The following PLCB4 variants were observed in gnomAD, a reference collection of about 807,000 sequenced individuals.
The protein encoded by PLCB4 is phospholipase C beta 4, also known as 1-phosphatidylinositol 4,5-bisphosphate phosphodiesterase beta-4.
In PLCB4, 77 loss-of-function variants were observed where a neutral mutation model predicts 178.8. The ratio of observed to expected loss-of-function variants is 0.43; its 90% confidence interval spans 0.36 to 0.52. PLCB4 has a LOEUF of 0.52. Among genes scored for constraint, PLCB4 ranks in the 20% least tolerant of loss-of-function variants. The pLI, the probability that PLCB4 is intolerant of heterozygous loss-of-function variation, is 0.00. For missense variants in PLCB4, 1,024 were observed against 1,453.4 expected, an observed-to-expected ratio of 0.70 and a Z score of 4.80; for synonymous variants, 496 against 490.8, an observed-to-expected ratio of 1.01 and a Z score of -0.14.
At position 9,421,284 on chromosome 20, in the gene PLCB4, C is replaced by T. The variant is rs749768854; in HGVS notation, c.2155-13C>T. On this transcript the variant is annotated splice_polypyrimidine_tract_variant and intron_variant, in intron 26 of 39. Coordinates refer to ENST00000378473, the MANE Select transcript of PLCB4 (RefSeq NM_001377142.1). Reference sequence around the variant, plus strand: ...GAGCTTACTTCTCTTTGCTCTCGTTCGTGCTGCTACAGGTTATATCAGGTC... The same window carrying T: ...GAGCTTACTTCTCTTTGCTCTCGTTTGTGCTGCTACAGGTTATATCAGGTC... 1.5e-5 allele frequency: 24 copies of T among 1,596,852 alleles called. 1 individual carries two copies. The highest frequency in any genetic ancestry group is 5.6e-5 in the South Asian group (5 of 89,558).
chr20:9,379,834 C>G (rs1236487805), intron 12 of PLCB4, among the ~76,000 whole-genome samples: 1 of 152,150 alleles, frequency 6.6e-6, no homozygotes, highest in Admixed American at 6.5e-5. Context: ...TATTCTCTCT[C>G]TCTCTCTAGT....
intron 20 of PLCB4, among the ~76,000 whole-genome samples, chr20:9,402,586 G>C (rs538129046): frequency 2.0e-5 from 3 of 152,202 alleles, no homozygotes; most frequent in East Asian, 3.8e-4. Context: ...AGTTTAGGAG[G>C]AAACAGGAGT....
intron 7 of PLCB4, among the ~76,000 whole-genome samples, chr20:9,354,793 T>C (rs2034646919): frequency 6.6e-6 from 1 of 152,216 alleles, no homozygotes; most frequent in African/African-American, 2.4e-5. Flanking sequence ...TTGTTAGAAA[T>C]GCAGAATCTC....
chr20:9,393,120 C>T (rs946083422), intron 17 of PLCB4, among the ~76,000 whole-genome samples: 1 of 152,174 alleles, frequency 6.6e-6, no homozygotes, highest in Non-Finnish European at 1.5e-5. Context: ...AAACCACAAT[C>T]TCAAGTGTTG....
chr20:9,270,620 A>G lies in PLCB4; in HGVS notation c.-15-37180A>G, dbSNP rs150802401. Among the ~76,000 whole-genome samples, 738 of 152,296 alleles carry G rather than the reference A, an allele frequency of 4.8e-3. 7 individuals are homozygous for G. Among genetic ancestry groups the G allele is most frequent in the Non-Finnish European group, 7.9e-3 (535 of 68,020 alleles). The stretch of plus-strand genomic sequence containing the variant: ...AACTCTCCATATATTTTTAAAAAAT[A>G]ACATGGATATTATGAACCCTACTTG... On this transcript the variant is annotated intron_variant, in intron 3 of 39. Transcript: ENST00000378473.
At chr20:9,073,056 A>T (rs1163415818) in intron 1 of PLCB4, among the ~76,000 whole-genome samples, 4 of 152,154 alleles carry the variant, frequency 2.6e-5, no homozygotes, top group Non-Finnish European at 5.9e-5. Flanking sequence ...TGGTATGCCT[A>T]GGGCTGGGAA....
chr20:9,214,161 C>T (rs1330055779), intron 2 of PLCB4, among the ~76,000 whole-genome samples: 2 of 152,118 alleles, frequency 1.3e-5, no homozygotes, highest in East Asian at 3.8e-4. Context: ...CTTTTGGTGT[C>T]ACACCTAAGA....
chr20:9,232,212 AG>A (rs2093940692), intron 3 of PLCB4, among the ~76,000 whole-genome samples: 2 of 152,290 alleles, frequency 1.3e-5, no homozygotes, highest in Admixed American at 6.5e-5. Flanking sequence ...GTTGATGGAC[AG>A]GCCTCTAATA....
chr20:9,338,100 C>T (rs772396315), intron 6 of PLCB4, 33 bp downstream of exon 6: 27 of 1,422,840 alleles, frequency 1.9e-5, no homozygotes, highest in African/African-American at 1.5e-4. Flanking sequence ...TTTCTAAACA[C>T]GGATTTACTT....
chr20:9,269,184 G>A lies in PLCB4; in HGVS notation c.-15-38616G>A, dbSNP rs74422749. Among the ~76,000 whole-genome samples the A allele has an allele frequency of 1.5e-3, 228 of 152,292 alleles. 1 individual carries two copies. Among genetic ancestry groups the A allele is most frequent in the African/African-American group, 4.8e-3 (201 of 41,584 alleles). Reference sequence around the variant, plus strand: ...AATCTGATTAGTTGTTAACAGAAAAGGATATATTTAAAGTCCACGGATATG... The same window carrying A: ...AATCTGATTAGTTGTTAACAGAAAAAGATATATTTAAAGTCCACGGATATG... On this transcript the variant is annotated intron_variant, in intron 3 of 39. Transcript: ENST00000378473.
chr20:9,337,397 C>T (rs1893841230), intron 5 of PLCB4, among the ~76,000 whole-genome samples, 191 bp downstream of exon 5: 1 of 152,116 alleles, frequency 6.6e-6, no homozygotes, highest in Non-Finnish European at 1.5e-5. Flanking sequence ...TCATAGATTC[C>T]AGTCTAGGAG....
At chr20:9,089,411 G>C (rs903270667) in intron 1 of PLCB4, among the ~76,000 whole-genome samples, 1 of 152,018 alleles carries the variant, frequency 6.6e-6, no homozygotes, top group Non-Finnish European at 1.5e-5. Flanking sequence ...AAGAAGGGAA[G>C]AAGGCAAAAC....
intron 28 of PLCB4, among the ~76,000 whole-genome samples, chr20:9,432,091 A>G (rs1486552579): frequency 6.6e-6 from 1 of 152,206 alleles, no homozygotes; most frequent in African/African-American, 2.4e-5. Context: ...GACATTTCCC[A>G]TTTACTAAAA....
chr20:9,476,811 T>G, intron 39 of PLCB4, 58 bp downstream of exon 39: 1 of 1,164,304 alleles, frequency 8.6e-7, no homozygotes, highest in Non-Finnish European at 1.3e-6. Flanking sequence ...ACGTCCGTAT[T>G]CTCTGTGCAG....
Position 9,206,148 on chromosome 20 carries a change from C to CT in PLCB4, c.-78-11241dup. Reference sequence around the variant, plus strand: ...GATTTTCATGGAACTTTAGGTATTCCTGTGTTAAATGGTGTATTTTGTTCT... The same window carrying CT: ...GATTTTCATGGAACTTTAGGTATTCCTTGTGTTAAATGGTGTATTTTGTTCT... On this transcript the variant is annotated intron_variant, in intron 2 of 39. Coordinates refer to ENST00000378473, the MANE Select transcript of PLCB4 (RefSeq NM_001377142.1). 2.0e-5 allele frequency among the ~76,000 whole-genome samples: 3 copies of CT among 152,094 alleles called. No homozygotes were observed. In the Middle Eastern group the frequency reaches 0.01, roughly 517 times the overall value.
chr20:9,372,564 C>G lies in PLCB4; in HGVS notation c.686+161C>G, dbSNP rs760892202. Among the ~76,000 whole-genome samples, 53 of 152,024 alleles carry G rather than the reference C, an allele frequency of 3.5e-4. 1 individual carries two copies. The highest frequency in any genetic ancestry group is 5.9e-5 in the Non-Finnish European group (4 of 67,994). On this transcript the variant is annotated intron_variant, in intron 11 of 39. Coordinates refer to ENST00000378473, the MANE Select transcript of PLCB4 (RefSeq NM_001377142.1). ...CCCATACTTTATCAGTGTAAAAGTT[C>G]ACTCTGAGTTTTTGAGAAACTTTTA...
intron 3 of PLCB4, among the ~76,000 whole-genome samples, chr20:9,218,661 G>T (rs1027437723): frequency 1.3e-5 from 2 of 152,058 alleles, no homozygotes; most frequent in Admixed American, 6.6e-5. Context: ...ATTTTCTTCC[G>T]GCCTTTCCAT....
Position 9,407,926 on chromosome 20 carries a change from A to G in PLCB4, c.1657A>G (p.Thr553Ala). The G allele has an allele frequency of 6.2e-7, 1 of 1,612,488 alleles. No individual in the cohort carries two copies. Among genetic ancestry groups the G allele is most frequent in the Non-Finnish European group, 8.5e-7 (1 of 1,179,440 alleles). The change falls in exon 22 of 40, where the codon ACT becomes GCT. Residue 553 changes from threonine to alanine, a missense_variant. Around this residue, in one of 7 missense-constraint regions of PLCB4, gnomAD observed 263 missense variants for 417.4 expected, o/e 0.63. Transcript: ENST00000378473. ...TTCCTTGTGCTTGTAGGGCCTGGTCACTGTAGAAGATGAGCAGGCGTGGAT... is the reference window on the plus strand; with the variant it reads ...TTCCTTGTGCTTGTAGGGCCTGGTCGCTGTAGAAGATGAGCAGGCGTGGAT... ...EHENNKKGLV[T>A]VEDEQAWMAS...
At chr20:9,314,849 A>T (rs1462526143) in intron 4 of PLCB4, among the ~76,000 whole-genome samples, 1 of 150,834 alleles carries the variant, frequency 6.6e-6, no homozygotes, top group African/African-American at 2.4e-5. Context: ...TGTGGGTGAT[A>T]CTGCATTCCT....
Sources: gnomAD v4.1 joint callset for allele counts (sites outside exome capture counted in the v4.1 genomes callset) on GRCh38, gnomAD v4.1.1 for gene constraint, gnomAD v4.1.1 regional missense constraint, MANE v1.5 for transcripts, NCBI Gene and HGNC (gene_info 2026-07-23, HGNC 2026-07-21) for gene names.